Variants in GRM8 observed in about 807,000 individuals in gnomAD.
GRM8 encodes the protein glutamate metabotropic receptor 8.
GRM8 carries 47 observed loss-of-function variants against 87.2 expected under a neutral mutation model. The ratio of observed to expected loss-of-function variants is 0.54; its 90% confidence interval spans 0.43 to 0.69. The LOEUF (loss-of-function observed/expected upper bound fraction) is 0.69, where lower values mean the gene tolerates loss of function less well. Among genes scored for constraint, GRM8 ranks in the 30% least tolerant of loss-of-function variants. GRM8 has a pLI of 0.00. For missense variants in GRM8, 1,019 were observed against 1,139.2 expected (o/e 0.89, Z 1.52); for synonymous variants, 396 against 404.5 (o/e 0.98, Z 0.25).
Position 126,860,061 on chromosome 7 carries a change from G to A in GRM8, c.1156+42481C>T, listed in dbSNP as rs185560474. On this transcript the variant is annotated intron_variant, in intron 6 of 10. Transcript: ENST00000339582. ...TTTAACTATAAAAACAATCCAGTAAGACTGTGAGTCCCATTTTTGCAGACT... is the reference window on the plus strand; with the variant it reads ...TTTAACTATAAAAACAATCCAGTAAAACTGTGAGTCCCATTTTTGCAGACT... 2.9e-3 allele frequency among the ~76,000 whole-genome samples: 442 copies of A among 152,228 alleles called. 3 individuals are homozygous for A. The highest frequency in any genetic ancestry group is 0.01 in the African/African-American group (424 of 41,566).
At chr7:126,477,596 AAAG>A (rs774173432) in intron 9 of GRM8, among the ~76,000 whole-genome samples, 10,226 of 71,004 alleles carry the variant, frequency 0.14, 613 homozygotes, top group East Asian at 0.23. Context: ...AGAAAGAAAG[AAAG>A]AAAGAAAGAA....
At chr7:127,207,526 G>A (rs756836710) in intron 2 of GRM8, among the ~76,000 whole-genome samples, 5 of 152,136 alleles carry the variant, frequency 3.3e-5, no homozygotes, top group South Asian at 2.1e-4. Flanking sequence ...CAATAAGCAC[G>A]TCATCTGCCA....
At chr7:126,937,476 G>A (rs1286141439) in intron 3 of GRM8, among the ~76,000 whole-genome samples, 2 of 152,152 alleles carry the variant, frequency 1.3e-5, no homozygotes, top group Non-Finnish European at 2.9e-5. Context: ...ACCTGCACCA[G>A]TAGAAAGCAA....
chr7:126,984,252 TC>T (rs1811825533), intron 3 of GRM8, among the ~76,000 whole-genome samples: 1 of 152,194 alleles, frequency 6.6e-6, no homozygotes, highest in Admixed American at 6.5e-5. Flanking sequence ...GTGTATGGGT[TC>T]AAGTTGGCAA....
At chr7:127,045,442 G>A (rs938771595) in intron 3 of GRM8, among the ~76,000 whole-genome samples, 1 of 151,866 alleles carries the variant, frequency 6.6e-6, no homozygotes, top group African/African-American at 2.4e-5. Context: ...ACTCCAGGCA[G>A]TCTAATCCGT....
chr7:126,624,377 C>G (rs1304470524), intron 7 of GRM8, among the ~76,000 whole-genome samples: 1 of 152,162 alleles, frequency 6.6e-6, no homozygotes, highest in Non-Finnish European at 1.5e-5. Flanking sequence ...CCGACTTGAT[C>G]TTCTGACTGG....
intron 3 of GRM8, among the ~76,000 whole-genome samples, chr7:126,932,023 G>A: frequency 6.6e-6 from 1 of 151,910 alleles, no homozygotes; most frequent in Non-Finnish European, 1.5e-5. Flanking sequence ...AATTTATCCT[G>A]TAAATTTTAA....
intron 2 of GRM8, among the ~76,000 whole-genome samples, chr7:127,129,700 G>A (rs771802674): frequency 1.3e-5 from 2 of 152,092 alleles, no homozygotes; most frequent in Non-Finnish European, 1.5e-5. Context: ...CAGCCCAATC[G>A]TGAATGTAGT....
At chr7:127,142,747 A>G (rs1473816128) in intron 2 of GRM8, among the ~76,000 whole-genome samples, 1 of 152,118 alleles carries the variant, frequency 6.6e-6, no homozygotes, top group Non-Finnish European at 1.5e-5. Context: ...ACGGATGGAC[A>G]GCGAGACAGA....
chr7:126,665,480 C>T (rs1805657743), intron 7 of GRM8, among the ~76,000 whole-genome samples: 1 of 152,082 alleles, frequency 6.6e-6, no homozygotes, highest in Non-Finnish European at 1.5e-5. Flanking sequence ...GGCCATTATC[C>T]TAAGAAAATT....
intron 9 of GRM8, among the ~76,000 whole-genome samples, chr7:126,466,681 A>G (rs1327496686): frequency 6.6e-6 from 1 of 151,880 alleles, no homozygotes; most frequent in East Asian, 1.9e-4. Context: ...GCAGAAAAAA[A>G]TCAGACGCCC....
chr7:126,734,097 A>G (rs567864892), intron 7 of GRM8, among the ~76,000 whole-genome samples: 1 of 152,176 alleles, frequency 6.6e-6, no homozygotes, highest in Admixed American at 6.6e-5. Flanking sequence ...GCAAATATCA[A>G]ATCTCCATAA....
chr7:126,649,547 T>C (rs1440937523), intron 7 of GRM8, among the ~76,000 whole-genome samples: 2 of 152,202 alleles, frequency 1.3e-5, no homozygotes, highest in Non-Finnish European at 2.9e-5. Flanking sequence ...TTTATATATA[T>C]ATCTATCCTA....
At chr7:127,037,832 C>CGTGTGT (rs367605693) in intron 3 of GRM8, among the ~76,000 whole-genome samples, 1,898 of 147,416 alleles carry the variant, frequency 0.013, 15 homozygotes, top group South Asian at 0.022. Flanking sequence ...CATGCGCATC[C>CGTGTGT]GTGTGTGTGT....
At chr7:127,108,686 A>C (rs1826049267) in intron 2 of GRM8, among the ~76,000 whole-genome samples, 1 of 152,192 alleles carries the variant, frequency 6.6e-6, no homozygotes, top group African/African-American at 2.4e-5. Context: ...TACTACCTTC[A>C]GTCAGTCACT....
At chr7:126,741,838 CACCT>C (rs1258358769) in intron 7 of GRM8, among the ~76,000 whole-genome samples, 1 of 152,052 alleles carries the variant, frequency 6.6e-6, no homozygotes, top group Non-Finnish European at 1.5e-5. Context: ...CCAATGCTGT[CACCT>C]ACTTTTAAAA....
intron 2 of GRM8, among the ~76,000 whole-genome samples, chr7:127,219,060 T>G (rs1297582483): frequency 3.9e-5 from 6 of 152,244 alleles, no homozygotes; most frequent in Admixed American, 6.5e-5. Flanking sequence ...TGCAATGTGT[T>G]TGCCACATAA....
chr7:127,240,509 C>G (rs1344137484), intron 2 of GRM8, among the ~76,000 whole-genome samples: 3 of 151,766 alleles, frequency 2.0e-5, no homozygotes, highest in African/African-American at 7.3e-5. Context: ...AATCTTTGCC[C>G]ACTTTTGGCT....
Position 127,181,015 on chromosome 7 carries a change from A to G in GRM8, c.510+61680T>C, listed in dbSNP as rs1794404855. Reference sequence around the variant, plus strand: ...TCAGAGCAATTAGACAAGAAAAAGAAATAAATGGCATCCAAATCAGTAAAG... The same window carrying G: ...TCAGAGCAATTAGACAAGAAAAAGAGATAAATGGCATCCAAATCAGTAAAG... On this transcript the variant is annotated intron_variant, in intron 2 of 10. Coordinates refer to ENST00000339582, the MANE Select transcript of GRM8 (RefSeq NM_000845.3). Among the ~76,000 whole-genome samples, 2 of 152,128 alleles carry G rather than the reference A, an allele frequency of 1.3e-5. 1 individual carries two copies. Among genetic ancestry groups the G allele is most frequent in the South Asian group, 4.1e-4 (2 of 4,836 alleles).
Sources: allele counts gnomAD v4.1 joint callset (sites outside exome capture counted in the v4.1 genomes callset), GRCh38; gene constraint gnomAD v4.1.1; transcripts MANE v1.5; gene names NCBI Gene and HGNC (gene_info 2026-07-23, HGNC 2026-07-21).